Variants in PBX1 observed in about 807,000 individuals in gnomAD.
The protein encoded by PBX1 is pre-B-cell leukemia transcription factor 1.
Under a neutral mutation model 53.4 loss-of-function variants are expected in PBX1, and 6 were observed. That is an observed-to-expected ratio of 0.11 (90% CI 0.06 to 0.22). The LOEUF (loss-of-function observed/expected upper bound fraction) is 0.22. PBX1 is among the 10% of genes least tolerant of loss of function. The probability of loss-of-function intolerance (pLI) is 1.00; values close to 1 mark genes in which losing one functional copy is unlikely to be tolerated. For synonymous variants in PBX1, 204 were observed against 212.3 expected, an observed-to-expected ratio of 0.96 and a Z score of 0.34; for missense variants, 251 against 551.4, an observed-to-expected ratio of 0.46 and a Z score of 5.46.
At chr1:164,873,300 CTT>C (rs1313753392) in intron 2 of PBX1, among the ~76,000 whole-genome samples, 1 of 152,210 alleles carries the variant, frequency 6.6e-6, no homozygotes, top group African/African-American at 2.4e-5. Context: ...GATTTCTTCT[CTT>C]TGCTTGGCAT....
intron 2 of PBX1, among the ~76,000 whole-genome samples, chr1:164,719,179 G>T (rs1332547699): frequency 6.6e-6 from 1 of 152,184 alleles, no homozygotes; most frequent in Non-Finnish European, 1.5e-5. Flanking sequence ...GGTTAGGATG[G>T]TGTCCCAGGA....
chr1:164,651,321 C>T (rs1270189575), intron 2 of PBX1, among the ~76,000 whole-genome samples: 4 of 151,830 alleles, frequency 2.6e-5, no homozygotes, highest in South Asian at 2.1e-4. Context: ...TTGCATTGTG[C>T]GGACGGGGAA....
intron 2 of PBX1, among the ~76,000 whole-genome samples, chr1:164,574,880 G>A (rs2101722127): frequency 6.6e-6 from 1 of 152,256 alleles, no homozygotes; most frequent in Middle Eastern, 3.4e-3. Flanking sequence ...TACTTGGGAG[G>A]CTGAGGCAGG....
intron 7 of PBX1, among the ~76,000 whole-genome samples, chr1:164,820,862 G>T (rs946173140): frequency 6.6e-6 from 1 of 152,078 alleles, no homozygotes; most frequent in Non-Finnish European, 1.5e-5. Context: ...GTATGCTGTG[G>T]GTCAGAATTA....
chr1:164,590,324 T>C (rs771338168), intron 2 of PBX1: 3 of 455,702 alleles, frequency 6.6e-6, no homozygotes, highest in South Asian at 4.6e-5. Context: ...CCAGCCTCAT[T>C]AGGAGCTACC....
At position 164,846,535 on chromosome 1, in the gene PBX1, C is replaced by T. The variant is rs756528468; in HGVS notation, c.1201-49C>T. ...CCTCATTGTCATTGTCTGCTGAAAA[C>T]AGCCACCCAATCTCAGAGGACTGAC... is the stretch of plus-strand genomic sequence containing the variant. On this transcript the variant is annotated intron_variant, in intron 8 of 8. Transcript: ENST00000420696. 3 of 1,538,230 alleles carry T rather than the reference C, an allele frequency of 2.0e-6. No homozygotes were observed. The Admixed American group carries it at 5.0e-5, about 26-fold the overall frequency.
At chr1:164,872,595 A>G (rs1411962767) in intron 2 of PBX1, among the ~76,000 whole-genome samples, 7 of 152,192 alleles carry the variant, frequency 4.6e-5, no homozygotes, top group Non-Finnish European at 1.0e-4. Flanking sequence ...AGAGGAGATG[A>G]GCATTATTTT....
At chr1:164,740,377 AT>A (rs1220411988) in intron 2 of PBX1, among the ~76,000 whole-genome samples, 1 of 152,120 alleles carries the variant, frequency 6.6e-6, no homozygotes, top group East Asian at 1.9e-4. Context: ...TAAAAAAAAA[AT>A]GAAAAGACTC....
intron 2 of PBX1, among the ~76,000 whole-genome samples, chr1:164,742,224 G>A (rs1208030982): frequency 6.6e-6 from 1 of 152,078 alleles, no homozygotes; most frequent in Non-Finnish European, 1.5e-5. Flanking sequence ...TTACGGATTG[G>A]AAGGCCCATC....
intron 2 of PBX1, among the ~76,000 whole-genome samples, chr1:164,784,156 G>A (rs577311229): frequency 5.3e-5 from 8 of 152,244 alleles, no homozygotes; most frequent in South Asian, 2.1e-4. Flanking sequence ...CTGTCTTTCC[G>A]ATGGCTTTCC....
At chr1:164,572,268 T>G (rs1434526030) in intron 2 of PBX1, among the ~76,000 whole-genome samples, 1 of 152,162 alleles carries the variant, frequency 6.6e-6, no homozygotes, top group African/African-American at 2.4e-5. Flanking sequence ...CTAAGTTTTG[T>G]CTTCAGCACT....
chr1:164,710,162 G>A (rs971082672), intron 2 of PBX1, among the ~76,000 whole-genome samples: 1 of 152,194 alleles, frequency 6.6e-6, no homozygotes, highest in African/African-American at 2.4e-5. Context: ...TTCTTCGTGG[G>A]CAAAGCAACA....
chr1:164,761,132 T>G (rs1432306397), intron 2 of PBX1, among the ~76,000 whole-genome samples: 3 of 152,178 alleles, frequency 2.0e-5, no homozygotes, highest in Non-Finnish European at 4.4e-5. Flanking sequence ...CTCCATACCC[T>G]TAAAAGTACT....
intron 2 of PBX1, among the ~76,000 whole-genome samples, chr1:164,786,727 G>GCA (rs796640173): frequency 0.026 from 3,583 of 136,438 alleles, 115 homozygotes; most frequent in African/African-American, 0.071. Flanking sequence ...GTGTGCGCGC[G>GCA]CACACACACA....
chr1:164,726,669 T>A (rs1664717238), intron 2 of PBX1, among the ~76,000 whole-genome samples: 1 of 152,212 alleles, frequency 6.6e-6, no homozygotes, highest in Non-Finnish European at 1.5e-5. Context: ...CTTTAGAAAG[T>A]CTTCTGGGAA....
At chr1:164,650,097 A>T (rs1659706390) in intron 2 of PBX1, among the ~76,000 whole-genome samples, 1 of 152,186 alleles carries the variant, frequency 6.6e-6, no homozygotes, top group Non-Finnish European at 1.5e-5. Context: ...GGGCAAATGT[A>T]GTGCTACAGA....
downstream of PBX1, among the ~76,000 whole-genome samples, chr1:164,856,011 C>T (rs1172972819): frequency 1.3e-5 from 2 of 152,178 alleles, no homozygotes; most frequent in African/African-American, 4.8e-5. Flanking sequence ...CCCTGCATTC[C>T]TAATCCTAGA....
intron 2 of PBX1, among the ~76,000 whole-genome samples, chr1:164,715,542 G>A (rs926857758): frequency 2.0e-5 from 3 of 152,176 alleles, no homozygotes; most frequent in Non-Finnish European, 2.9e-5. Context: ...GGAAGAGACA[G>A]GACCATGCTG....
At chr1:164,562,115 T>A (rs1269620276) in intron 1 of PBX1, among the ~76,000 whole-genome samples, 1 of 152,154 alleles carries the variant, frequency 6.6e-6, no homozygotes, top group African/African-American at 2.4e-5. Context: ...ACCATTAATA[T>A]TTTAGATATA....
Sources: allele counts gnomAD v4.1 joint callset (sites outside exome capture counted in the v4.1 genomes callset), GRCh38; gene constraint gnomAD v4.1.1; transcripts MANE v1.5; gene names NCBI Gene and HGNC (gene_info 2026-07-23, HGNC 2026-07-21).